The following TPST1 variants were observed in gnomAD, a reference collection of about 807,000 sequenced individuals.
The protein encoded by TPST1 is protein-tyrosine sulfotransferase 1.
TPST1 carries 20 observed loss-of-function variants against 34.8 expected under a neutral mutation model. The ratio of observed to expected loss-of-function variants is 0.57; its 90% CI spans 0.40 to 0.84. The LOEUF is 0.84. TPST1 is among the 40% of genes least tolerant of loss of function. TPST1 has a pLI of 0.00. For synonymous variants in TPST1, 152 were observed against 159.4 expected, an observed-to-expected ratio of 0.95 and a Z score of 0.35; for missense variants, 353 against 455.5, an observed-to-expected ratio of 0.78 and a Z score of 2.05.
intron 3 of TPST1, among the ~76,000 whole-genome samples, chr7:66,301,119 G>C (rs375432997): frequency 1.3e-5 from 2 of 152,184 alleles, no homozygotes; most frequent in Admixed American, 1.3e-4. Flanking sequence ...AGTATTTTGT[G>C]AGAAATCTTT....
upstream of TPST1, among the ~76,000 whole-genome samples, chr7:66,204,093 C>CT (rs904662801): frequency 5.9e-5 from 9 of 151,940 alleles, no homozygotes; most frequent in African/African-American, 2.2e-4. Flanking sequence ...ATGAGAATCA[C>CT]TTGAGCCCAG....
At position 66,360,070 on chromosome 7, in the gene TPST1, G is replaced by T; in HGVS notation, c.*205G>T. 2.4e-6 allele frequency: 1 copy of T among 417,008 alleles called. No individual in the cohort carries two copies. Among genetic ancestry groups the T allele is most frequent in the Non-Finnish European group, 4.9e-6 (1 of 203,832 alleles). 25.8% of individuals were successfully genotyped at this position (417,008 alleles called of 1,614,324 possible). Reference sequence around the variant, plus strand: ...GCCTCGTGAGGGATCTGCCTCCTGAGCAAAGAGCTCTTGATCCCGATTTCA... The same window carrying T: ...GCCTCGTGAGGGATCTGCCTCCTGATCAAAGAGCTCTTGATCCCGATTTCA... On this transcript the variant is annotated 3_prime_UTR_variant, in exon 6 of 6. Transcript: ENST00000304842.
At chr7:66,298,870 T>C (rs892644960) in intron 3 of TPST1, among the ~76,000 whole-genome samples, 1 of 152,160 alleles carries the variant, frequency 6.6e-6, no homozygotes, top group African/African-American at 2.4e-5. Flanking sequence ...ACACCTGTAA[T>C]CCCAGCACTT....
At chr7:66,232,940 G>T (rs761963639) in intron 1 of TPST1, among the ~76,000 whole-genome samples, 3 of 152,080 alleles carry the variant, frequency 2.0e-5, no homozygotes, top group Non-Finnish European at 4.4e-5. Context: ...ATTTTGATTT[G>T]TATTTTCCTA....
chr7:66,331,064 A>G lies in TPST1; in HGVS notation c.1045-21441A>G, dbSNP rs540654001. Among the ~76,000 whole-genome samples the G allele has an allele frequency of 7.9e-5, 12 of 152,230 alleles. 1 individual carries two copies. Among genetic ancestry groups the G allele is most frequent in the African/African-American group, 2.9e-4 (12 of 41,554 alleles). On this transcript the variant is annotated intron_variant, in intron 3 of 5. Transcript: ENST00000304842. The stretch of plus-strand genomic sequence containing the variant: ...TCAGCTGGGAGAGGATCTGCCTTCA[A>G]GCTCTCTCATGTGACTGTTGGCAGG...
chr7:66,248,011 T>C (rs1490292080), intron 2 of TPST1, among the ~76,000 whole-genome samples: 1 of 152,194 alleles, frequency 6.6e-6, no homozygotes, highest in Non-Finnish European at 1.5e-5. Context: ...GAAAAATATA[T>C]TTTTGAAAAA....
At chr7:66,336,270 A>C (rs1463783939) in intron 3 of TPST1, among the ~76,000 whole-genome samples, 3 of 151,978 alleles carry the variant, frequency 2.0e-5, no homozygotes, top group African/African-American at 7.3e-5. Flanking sequence ...AGATTGTGCC[A>C]CTGCACTCCA....
intron 4 of TPST1, among the ~76,000 whole-genome samples, chr7:66,353,909 G>C (rs1322376535): frequency 6.6e-6 from 1 of 152,222 alleles, no homozygotes; most frequent in Non-Finnish European, 1.5e-5. Flanking sequence ...TCTCACACCA[G>C]AGTTGAAGCC....
chr7:66,226,643 T>TC, intron 1 of TPST1, among the ~76,000 whole-genome samples: 1 of 152,318 alleles, frequency 6.6e-6, no homozygotes, highest in East Asian at 1.9e-4. Flanking sequence ...GAACATACTC[T>TC]CCCCCTATTA....
At chr7:66,313,328 T>C (rs933112329) in intron 3 of TPST1, among the ~76,000 whole-genome samples, 1 of 152,074 alleles carries the variant, frequency 6.6e-6, no homozygotes, top group African/African-American at 2.4e-5. Context: ...GGCAGGAGAA[T>C]CATTTGAACT....
intron 2 of TPST1, among the ~76,000 whole-genome samples, chr7:66,266,167 C>T: frequency 6.6e-6 from 1 of 152,014 alleles, no homozygotes; most frequent in Non-Finnish European, 1.5e-5. Context: ...AGGATGAAAC[C>T]ATATTTTTCT....
In TPST1 at chr7:66,205,683, C is replaced by G. The variant is rs1032630799; in HGVS notation, c.-102+161C>G. On this transcript the variant is annotated intron_variant, in intron 1 of 5. Coordinates refer to ENST00000304842, the MANE Select transcript of TPST1 (RefSeq NM_003596.4). This position sits in a 1 kb window ranked among gnomAD's most constrained non-coding sequence, Gnocchi z 5.0. ...CGAGCGCGGAGCCCCGGGTCTGGCCCGTCCGGCCCCTGCTCCCACGCCCCT... is the reference window on the plus strand; with the variant it reads ...CGAGCGCGGAGCCCCGGGTCTGGCCGGTCCGGCCCCTGCTCCCACGCCCCT... 11 of 152,490 alleles carry G rather than the reference C, an allele frequency of 7.2e-5. No homozygotes were observed. Among genetic ancestry groups the G allele is most frequent in the Admixed American group, 2.0e-4 (3 of 15,278 alleles). 9.4% of individuals were successfully genotyped at this position (152,490 alleles called of 1,614,324 possible).
At chr7:66,199,806 T>C in the TPST1 span, among the ~76,000 whole-genome samples, 1 of 151,448 alleles carries the variant, frequency 6.6e-6, no homozygotes, top group African/African-American at 2.4e-5. Context: ...CTCTGCCTCC[T>C]GGGTTCAAGG....
intron 3 of TPST1, among the ~76,000 whole-genome samples, chr7:66,333,614 G>A (rs996092319): frequency 8.5e-5 from 13 of 152,152 alleles, no homozygotes; most frequent in African/African-American, 3.1e-4. Flanking sequence ...ATAATTAACA[G>A]TAAAGTTAAA....
At chr7:66,325,960 C>A (rs895578313) in intron 3 of TPST1, among the ~76,000 whole-genome samples, 3 of 152,138 alleles carry the variant, frequency 2.0e-5, no homozygotes, top group Non-Finnish European at 2.9e-5. Flanking sequence ...AGTAAAACTT[C>A]TTTAATTTTC....
intron 1 of TPST1, among the ~76,000 whole-genome samples, chr7:66,224,085 A>G (rs2116304953): frequency 6.6e-6 from 1 of 152,256 alleles, no homozygotes; most frequent in East Asian, 1.9e-4. Flanking sequence ...GCTACTCGTT[A>G]GTGGGTCTGG....
chr7:66,245,784 T>G (rs1338251882), intron 2 of TPST1, among the ~76,000 whole-genome samples: 30 of 152,200 alleles, frequency 2.0e-4, no homozygotes. Flanking sequence ...CACAAAGATA[T>G]GAGCATTAAT....
intron 3 of TPST1, among the ~76,000 whole-genome samples, chr7:66,310,970 C>CAT (rs1381202520): frequency 6.6e-6 from 1 of 151,744 alleles, no homozygotes; most frequent in East Asian, 2.0e-4. Context: ...GGATTATAGG[C>CAT]ATATAGGCAT....
At chr7:66,322,532 C>T (rs558221365) in intron 3 of TPST1, among the ~76,000 whole-genome samples, 29 of 152,324 alleles carry the variant, frequency 1.9e-4, no homozygotes, top group Admixed American at 3.9e-4. Flanking sequence ...ATAATGTCCT[C>T]AAGTTTCATC....
Sources: allele counts gnomAD v4.1 joint callset (sites outside exome capture counted in the v4.1 genomes callset), GRCh38; gene constraint gnomAD v4.1.1; non-coding constraint Gnocchi (gnomAD v3.1); transcripts MANE v1.5; gene names NCBI Gene and HGNC (gene_info 2026-07-23, HGNC 2026-07-21).